The following DCLK3 variants were observed in gnomAD, a reference collection of about 807,000 sequenced individuals.
DCLK3 encodes serine/threonine-protein kinase DCLK3.
A neutral mutation model predicts 46.4 loss-of-function variants in DCLK3; 30 were observed. The observed-to-expected ratio is 0.65, with a 90% CI of 0.48 to 0.88. DCLK3 has a LOEUF of 0.88. DCLK3 is among the 40% of genes least tolerant of loss of function. The pLI is 0.00. For synonymous variants in DCLK3, 401 were observed against 339.2 expected, an observed-to-expected ratio of 1.18 and a Z score of -2.00; for missense variants, 846 against 907.1, an observed-to-expected ratio of 0.93 and a Z score of 0.87.
intron 2 of DCLK3, among the ~76,000 whole-genome samples, chr3:36,722,138 C>A (rs907843701): frequency 5.3e-5 from 8 of 150,582 alleles, no homozygotes; most frequent in African/African-American, 1.5e-4. Context: ...TGCCTCTGGG[C>A]AATGCAGAGG....
chr3:36,737,941 G>C lies in DCLK3; in HGVS notation c.1226C>G (p.Ala409Gly). 1 of 1,614,064 alleles carries C rather than the reference G, an allele frequency of 6.2e-7. No individual in the cohort carries two copies. Among genetic ancestry groups the C allele is most frequent in the Non-Finnish European group, 8.5e-7 (1 of 1,180,008 alleles). ...EDQESHAQGA[A>G]KAKKDLVEVL... ...TTCCACAAGGTCCTTCTTGGCCTTG[G>C]CTGCTCCCTGAGCATGGCTTTCTTG... The change falls in exon 2 of 5, where the codon GCC (alanine) becomes GGC (glycine). Residue 409 changes from alanine to glycine, a missense_variant. Transcript: ENST00000636136. This position sits in a 1 kb window ranked among gnomAD's most constrained non-coding sequence, Gnocchi z 4.4.
intron 2 of DCLK3, among the ~76,000 whole-genome samples, chr3:36,731,449 G>A (rs551039935): frequency 2.0e-3 from 148 of 72,798 alleles, no homozygotes; most frequent in Middle Eastern, 6.3e-3. Context: ...TCCTTCGTGC[G>A]TGCACACACA....
In DCLK3 at chr3:36,747,547, C is replaced by T. The variant is rs569303616; in HGVS notation, c.83-8463G>A. On this transcript the variant is annotated intron_variant, in intron 1 of 4. Coordinates refer to ENST00000636136, the MANE Select transcript of DCLK3 (RefSeq NM_001394672.2). The stretch of plus-strand genomic sequence containing the variant: ...TAAGGTTTGTTATGCATATTCCTCT[C>T]AGAGCCATCTCTGGGCTGATATGAG... Among the ~76,000 whole-genome samples the T allele has an allele frequency of 1.5e-4, 23 of 152,098 alleles. No homozygotes were observed. The South Asian group carries it at 4.6e-3, about 30-fold the overall frequency.
At chr3:36,746,620 CCT>C (rs1701395745) in intron 1 of DCLK3, among the ~76,000 whole-genome samples, 1 of 152,216 alleles carries the variant, frequency 6.6e-6, no homozygotes, top group South Asian at 2.1e-4. Flanking sequence ...AGAGCATTTT[CCT>C]CTCTTTCCAG....
In DCLK3 at chr3:36,738,305, C is replaced by T. The variant is rs372300177; in HGVS notation, c.862G>A (p.Ala288Thr). The T allele has an allele frequency of 5.3e-6, 8 of 1,514,808 alleles. No homozygotes were observed. The highest frequency in any genetic ancestry group is 1.4e-5 in the South Asian group (1 of 73,824). The allele number at this position is 1,514,808 out of a possible 1,614,324, so 93.8% of individuals were successfully genotyped here. The change falls in exon 2 of 5, where the codon GCA becomes ACA. Residue 288 changes from alanine to threonine, a missense_variant. Ala to Thr is a moderately conservative substitution (Grantham distance 58, BLOSUM62 0). Transcript: ENST00000636136. ...ACCCCAAGATGCTTCTCTCCCCTTG[C>T]GTGCCTCTCTTCCAGAGTGGCTTCC... ...PREATLEERH[A>T]RGEKHLGVEI...
At chr3:36,726,056 A>G (rs1362535047) in intron 2 of DCLK3, among the ~76,000 whole-genome samples, 1 of 152,208 alleles carries the variant, frequency 6.6e-6, no homozygotes. Flanking sequence ...AAGTGTGGCA[A>G]GTATTTAGGT....
intron 1 of DCLK3, among the ~76,000 whole-genome samples, chr3:36,743,034 G>A (rs1347869890): frequency 2.0e-5 from 3 of 152,086 alleles, no homozygotes; most frequent in Non-Finnish European, 2.9e-5. Context: ...GGAACCATAT[G>A]AAATTGCTGG....
intron 2 of DCLK3, among the ~76,000 whole-genome samples, chr3:36,733,435 T>C (rs1430965021): frequency 2.6e-5 from 4 of 152,174 alleles, no homozygotes; most frequent in Admixed American, 6.5e-5. Context: ...CCTTCCCCCA[T>C]CCTGCTCACC....
chr3:36,748,653 AT>A (rs1701413509), intron 1 of DCLK3, among the ~76,000 whole-genome samples: 1 of 152,038 alleles, frequency 6.6e-6, no homozygotes. Context: ...AGGCATTAAT[AT>A]TAACATGGCC....
In DCLK3 at chr3:36,739,100, G is replaced by C. The variant is rs926851496; in HGVS notation, c.83-16C>G. 1 of 398,388 alleles carries C rather than the reference G, an allele frequency of 2.5e-6. No individual in the cohort carries two copies. The allele number at this position is 398,388 out of a possible 1,614,324, so 24.7% of individuals were successfully genotyped here. A position where few individuals can be genotyped will look rare whatever the true frequency, so the allele number is the denominator to read the frequency against. ...CCTTGCTGTCCTGCAACAAGAAAAG[G>C]ACAACAGAGTATTAGTTAAGATGGG... is the stretch of plus-strand genomic sequence containing the variant. On this transcript the variant is annotated splice_polypyrimidine_tract_variant and intron_variant, in intron 1 of 4. Transcript: ENST00000636136.
At chr3:36,751,824 G>C (rs1701444287) in intron 1 of DCLK3, among the ~76,000 whole-genome samples, 1 of 152,240 alleles carries the variant, frequency 6.6e-6, no homozygotes, top group South Asian at 2.1e-4. Context: ...GCAATGAACA[G>C]GTGTTGCACG....
intron 2 of DCLK3, among the ~76,000 whole-genome samples, chr3:36,723,945 G>A (rs901201909): frequency 2.0e-5 from 3 of 152,188 alleles, no homozygotes; most frequent in African/African-American, 7.2e-5. Context: ...GTAGACCAAT[G>A]ACAACTTGTA....
chr3:36,738,022 T>A lies in DCLK3; in HGVS notation c.1145A>T (p.Glu382Val). The A allele has an allele frequency of 1.2e-6, 2 of 1,614,108 alleles. No individual in the cohort carries two copies. The highest frequency in any genetic ancestry group is 1.7e-6 in the Non-Finnish European group (2 of 1,180,018). ...CATGCTCTTGCTGGGTCTCCTCAGC[T>A]CTTGAGTGGGATTCCTGGGGCTGCT... ...HRSSPRNPTQ[E>V]LRRPSKSMDK... Residue 382 changes from glutamate (E) to valine (V), a missense_variant, in exon 2 of 5, where the codon GAG becomes GTG. By Grantham distance (121) the Glu-to-Val change is moderately radical. Transcript: ENST00000636136.
intron 4 of DCLK3, among the ~76,000 whole-genome samples, chr3:36,717,069 G>C (rs1043552827): frequency 6.6e-6 from 1 of 152,184 alleles, no homozygotes; most frequent in African/African-American, 2.4e-5. Context: ...AAATTCAATA[G>C]CATGTTTAGG....
intron 1 of DCLK3, among the ~76,000 whole-genome samples, chr3:36,740,831 T>C (rs1701336844): frequency 6.6e-6 from 1 of 152,238 alleles, no homozygotes; most frequent in South Asian, 2.1e-4. Context: ...AAATTTAAAA[T>C]AATCATTTAT....
chr3:36,732,390 A>G (rs1281589821), intron 2 of DCLK3, among the ~76,000 whole-genome samples: 1 of 152,236 alleles, frequency 6.6e-6, no homozygotes, highest in East Asian at 1.9e-4. Flanking sequence ...AAGTTCACTG[A>G]GTGTACAGAT....
At position 36,737,811 on chromosome 3, in the gene DCLK3, G is replaced by A. The variant is rs1559391035; in HGVS notation, c.1356C>T (p.Gly452=). 6.2e-7 allele frequency: 1 copy of A among 1,614,052 alleles called. No individual in the cohort carries two copies. Residue 452 remains glycine, a synonymous_variant, in exon 2 of 5, where the codon GGC becomes GGT. Transcript: ENST00000636136. The surrounding 1 kb of genome is among the most constrained non-coding windows in gnomAD (Gnocchi z 4.4). ...CTCGGGTCCTGCGGAGCTTCTCAAA[G>A]CCCGCCTGGTGCTCTCTCAGGAGCC... The part of the protein sequence containing the change: ...GGWLLREHQA[G]FEKLRRTRGE...
intron 1 of DCLK3, among the ~76,000 whole-genome samples, chr3:36,759,959 GGGC>G (rs1701524176): frequency 6.6e-6 from 1 of 152,212 alleles, no homozygotes; most frequent in Non-Finnish European, 1.5e-5. Context: ...ACTGTGGCAG[GGGC>G]AGTGATGGGC....
intron 1 of DCLK3, among the ~76,000 whole-genome samples, chr3:36,743,036 A>G (rs1178681438): frequency 6.6e-6 from 1 of 152,108 alleles, no homozygotes; most frequent in Non-Finnish European, 1.5e-5. Flanking sequence ...AACCATATGA[A>G]ATTGCTGGTA....
Sources: allele counts gnomAD v4.1 joint callset (sites outside exome capture counted in the v4.1 genomes callset), GRCh38; gene constraint gnomAD v4.1.1; non-coding constraint Gnocchi (gnomAD v3.1); transcripts MANE v1.5; gene names NCBI Gene and HGNC (gene_info 2026-07-23, HGNC 2026-07-21).